Variants in PLPPR1 observed in about 807,000 individuals in gnomAD.
PLPPR1 encodes phospholipid phosphatase related 1.
Under a neutral mutation model 33.1 loss-of-function variants are expected in PLPPR1, and 10 were observed. That is an observed-to-expected ratio of 0.30 (90% CI 0.19 to 0.51). The LOEUF (loss-of-function observed/expected upper bound fraction) is 0.51. Ranked by LOEUF, PLPPR1 falls within the 20% of genes least tolerant of loss-of-function variation. PLPPR1 has a pLI of 0.97. For missense variants in PLPPR1, 304 were observed against 408.1 expected (o/e 0.74, Z 2.20); for synonymous variants, 151 against 151.0 (o/e 1.00, Z 0.00).
intron 1 of PLPPR1, among the ~76,000 whole-genome samples, chr9:101,100,787 G>A (rs1333777172): frequency 6.7e-6 from 1 of 148,322 alleles, no homozygotes; most frequent in Non-Finnish European, 1.5e-5. Flanking sequence ...TATTTCCCCA[G>A]GTTCTTTATA....
At chr9:101,158,210 A>C (rs1831722215) in intron 1 of PLPPR1, among the ~76,000 whole-genome samples, 1 of 152,116 alleles carries the variant, frequency 6.6e-6, no homozygotes, top group Non-Finnish European at 1.5e-5. Context: ...GCAATTAGTA[A>C]AGATGGGAAA....
At chr9:101,038,955 G>A (rs756964011) in intron 1 of PLPPR1, among the ~76,000 whole-genome samples, 5 of 152,072 alleles carry the variant, frequency 3.3e-5, no homozygotes, top group Admixed American at 1.3e-4. Context: ...CCTAGGGAGA[G>A]TGTTCATCTG....
At chr9:101,263,367 T>C (rs1226953072) in intron 2 of PLPPR1, among the ~76,000 whole-genome samples, 1 of 152,176 alleles carries the variant, frequency 6.6e-6, no homozygotes, top group African/African-American at 2.4e-5. Flanking sequence ...GTTAGACAAT[T>C]TAGAATGAAG....
intron 3 of PLPPR1, among the ~76,000 whole-genome samples, chr9:101,270,271 T>A (rs574362526): frequency 1.3e-5 from 2 of 151,996 alleles, no homozygotes; most frequent in African/African-American, 2.4e-5. Flanking sequence ...GCTTTTGTTT[T>A]TCGGTATCTG....
At chr9:101,067,438 A>C (rs1285478926) in intron 1 of PLPPR1, among the ~76,000 whole-genome samples, 3 of 152,028 alleles carry the variant, frequency 2.0e-5, no homozygotes, top group Non-Finnish European at 4.4e-5. Flanking sequence ...ATTGTATTGA[A>C]TAGGATGGTT....
At chr9:101,077,243 A>G (rs1830549422) in intron 1 of PLPPR1, among the ~76,000 whole-genome samples, 1 of 152,162 alleles carries the variant, frequency 6.6e-6, no homozygotes, top group African/African-American at 2.4e-5. Context: ...ATCTCTTCTT[A>G]GGACTAGACA....
At chr9:101,248,946 T>G (rs1236542006) in intron 2 of PLPPR1, among the ~76,000 whole-genome samples, 1 of 152,012 alleles carries the variant, frequency 6.6e-6, no homozygotes, top group Non-Finnish European at 1.5e-5. Context: ...TAATAACATC[T>G]TCCTACCAAA....
intron 2 of PLPPR1, among the ~76,000 whole-genome samples, chr9:101,261,837 C>T (rs1176916005): frequency 2.0e-5 from 3 of 152,048 alleles, no homozygotes; most frequent in Non-Finnish European, 4.4e-5. Flanking sequence ...ACACTAGAAC[C>T]TACTGGAGGG....
chr9:101,173,069 C>T (rs2118693522), intron 1 of PLPPR1, among the ~76,000 whole-genome samples: 1 of 152,060 alleles, frequency 6.6e-6, no homozygotes, highest in South Asian at 2.1e-4. Context: ...GGCCCCAATC[C>T]CTAGGATAAC....
At chr9:101,081,502 A>G (rs1209676880) in intron 1 of PLPPR1, among the ~76,000 whole-genome samples, 3 of 152,156 alleles carry the variant, frequency 2.0e-5, no homozygotes, top group Non-Finnish European at 2.9e-5. Context: ...CAATGCATGT[A>G]TTTAATTCAC....
At chr9:101,187,885 C>T (rs1826230790) in intron 2 of PLPPR1, 1 of 151,890 alleles carries the variant, frequency 6.6e-6, no homozygotes, top group Non-Finnish European at 1.5e-5. Context: ...ATCCTATTGT[C>T]CTGAAGCCAG....
Position 101,261,446 on chromosome 9 carries a change from G to A in PLPPR1, c.64-8434G>A, listed in dbSNP as rs182241013. On this transcript the variant is annotated intron_variant, in intron 2 of 7. Coordinates refer to ENST00000374874, the MANE Select transcript of PLPPR1 (RefSeq NM_207299.2). Reference sequence around the variant, plus strand: ...TTTCGTCTACATATCCTTGCCTGTGGGCACCTCTTTAGTCCTTAAAGAAGA... The same window carrying A: ...TTTCGTCTACATATCCTTGCCTGTGAGCACCTCTTTAGTCCTTAAAGAAGA... 2.2e-4 allele frequency among the ~76,000 whole-genome samples: 34 copies of A among 152,052 alleles called. No homozygotes were observed. The East Asian group carries it at 3.5e-3, about 16-fold the overall frequency.
chr9:101,132,437 A>C (rs1831324366), intron 1 of PLPPR1, among the ~76,000 whole-genome samples: 1 of 152,230 alleles, frequency 6.6e-6, no homozygotes, highest in Non-Finnish European at 1.5e-5. Flanking sequence ...GATTTCAACT[A>C]TATGTCATTC....
intron 1 of PLPPR1, among the ~76,000 whole-genome samples, chr9:101,113,653 C>CA (rs1394079510): frequency 2.0e-5 from 3 of 151,654 alleles, no homozygotes; most frequent in African/African-American, 4.8e-5. Flanking sequence ...AAACAAAAAA[C>CA]AAAAAAACCA....
In PLPPR1 at chr9:101,309,479, G is replaced by T. The variant is rs1352097508; in HGVS notation, c.636+18G>T. The T allele has an allele frequency of 6.8e-6, 11 of 1,611,082 alleles. No individual in the cohort carries two copies. Among genetic ancestry groups the T allele is most frequent in the Non-Finnish European group, 9.3e-6 (11 of 1,178,082 alleles). ...ATGCCACGGTGAGTGTGCAAGTCTT[G>T]TCTCTCCTAAGTCCAGTTTTTGATA... On this transcript the variant is annotated intron_variant, in intron 5 of 7. Coordinates refer to ENST00000374874, the MANE Select transcript of PLPPR1 (RefSeq NM_207299.2).
At chr9:101,069,677 G>T (rs896117522) in intron 1 of PLPPR1, among the ~76,000 whole-genome samples, 3 of 152,074 alleles carry the variant, frequency 2.0e-5, no homozygotes, top group South Asian at 4.1e-4. Flanking sequence ...TTCCCTAGTT[G>T]GTTCCAATAT....
chr9:101,277,427 T>A (rs1002739143), intron 3 of PLPPR1, among the ~76,000 whole-genome samples: 1 of 152,118 alleles, frequency 6.6e-6, no homozygotes, highest in Non-Finnish European at 1.5e-5. Context: ...GGAAGGTTAC[T>A]TGGTAAGGGT....
chr9:101,296,205 C>T (rs768255402), intron 4 of PLPPR1, among the ~76,000 whole-genome samples: 76 of 145,220 alleles, frequency 5.2e-4, no homozygotes, highest in Admixed American at 1.0e-3. Flanking sequence ...AAAATGCTCA[C>T]CATCACTGGC....
At chr9:101,085,436 A>C (rs1397530353) in intron 1 of PLPPR1, among the ~76,000 whole-genome samples, 1 of 152,126 alleles carries the variant, frequency 6.6e-6, no homozygotes, top group Non-Finnish European at 1.5e-5. Context: ...AAGATGAAGG[A>C]GGTAGGGGAG....
Sources: allele counts gnomAD v4.1 joint callset (sites outside exome capture counted in the v4.1 genomes callset), GRCh38; gene constraint gnomAD v4.1.1; transcripts MANE v1.5; gene names NCBI Gene and HGNC (gene_info 2026-07-23, HGNC 2026-07-21).